ZSCAN29: variants seen among roughly 807,000 people sequenced by gnomAD.
The protein encoded by ZSCAN29 is zinc finger and SCAN domain-containing protein 29.
Under a neutral mutation model 71.9 loss-of-function variants are expected in ZSCAN29, and 55 were observed. The observed-to-expected ratio is 0.76, with a 90% CI of 0.62 to 0.96. The LOEUF is 0.96. Among genes scored for constraint, ZSCAN29 ranks in the 40% least tolerant of loss-of-function variants. The pLI, the probability that ZSCAN29 is intolerant of heterozygous loss-of-function variation, is 0.00. For missense variants in ZSCAN29, 1,042 were observed against 1,042.2 expected, an observed-to-expected ratio of 1.00 and a Z score of 0.00; for synonymous variants, 351 against 371.6, an observed-to-expected ratio of 0.94 and a Z score of 0.64.
At chr15:43,366,066 T>C in intron 4 of ZSCAN29, 44 bp downstream of exon 4, 1 of 1,541,136 alleles carries the variant, frequency 6.5e-7, no homozygotes, top group Non-Finnish European at 8.7e-7. Flanking sequence ...GTCTCTTTGT[T>C]CCCCAAGTCT....
rs1444633539 is a variant in ZSCAN29, at chr15:43,359,633, T to A, written c.*1440A>T. ...AGTGCCCATGGAGGGCATAACACTA[T>A]ACCAGGTGTGTGGAATATGGACGAG... On this transcript the variant is annotated 3_prime_UTR_variant, in exon 6 of 6. Coordinates refer to ENST00000684362, the MANE Select transcript of ZSCAN29 (RefSeq NM_001372080.1). The A allele has an allele frequency of 6.6e-6, 1 of 152,272 alleles. No homozygotes were observed. Among genetic ancestry groups the A allele is most frequent in the East Asian group, 1.9e-4 (1 of 5,198 alleles). 9.4% of individuals were successfully genotyped at this position (152,272 alleles called of 1,614,324 possible). A position where few individuals can be genotyped will look rare whatever the true frequency, so the allele number is the denominator to read the frequency against.
chr15:43,366,269 T>A lies in ZSCAN29; in HGVS notation c.1063A>T (p.Ser355Cys). 1 of 1,613,488 alleles carries A rather than the reference T, an allele frequency of 6.2e-7. No homozygotes were observed. Among genetic ancestry groups the A allele is most frequent in the South Asian group, 1.1e-5 (1 of 91,080 alleles). The change falls in exon 4 of 6, where the codon AGC becomes TGC. Residue 355 changes from serine (S) to cysteine (C), a missense_variant. Coordinates refer to ENST00000684362, the MANE Select transcript of ZSCAN29 (RefSeq NM_001372080.1). ...CCTGGCTCTTCAGTCTCAGCATCGC[T>A]GCCTACCAGGCCAGAGTGAGAGGCT... ...AAASHSGLVGSDAETEEPGQR... is the reference protein window; with the variant it reads ...AAASHSGLVGCDAETEEPGQR...
At chr15:43,363,890 T>G in intron 5 of ZSCAN29, 25 bp downstream of exon 5, 1 of 1,547,042 alleles carries the variant, frequency 6.5e-7, no homozygotes, top group South Asian at 1.2e-5. Flanking sequence ...TTGTTATTTA[T>G]ACCATAATAG....
chr15:43,368,800 G>T, intron 3 of ZSCAN29, 123 bp downstream of exon 3: 1 of 883,844 alleles, frequency 1.1e-6, no homozygotes. Context: ...TAAACTACAT[G>T]TCAACAACCA....
At chr15:43,368,790 T>A (rs879639470) in intron 3 of ZSCAN29, 133 bp downstream of exon 3, 11 of 794,368 alleles carry the variant, frequency 1.4e-5, no homozygotes, top group Non-Finnish European at 2.2e-5. Flanking sequence ...TACCAGAGGC[T>A]AAACTACATG....
Position 43,361,645 on chromosome 15 carries a change from T to A in ZSCAN29, c.1987A>T (p.Asn663Tyr). 1 of 1,614,180 alleles carries A rather than the reference T, an allele frequency of 6.2e-7. No individual in the cohort carries two copies. The highest frequency in any genetic ancestry group is 8.5e-7 in the Non-Finnish European group (1 of 1,180,026). ...GATACCTGATGCATGAGAAGGGAGT[T>A]TGGACCAAAGCTTTTGCTGTATTTG... ...YLKYSKSFGP[N>Y]SLLMHQVSHQ... Residue 663 changes from asparagine to tyrosine, a missense_variant, in exon 6 of 6, where the codon AAC (asparagine) becomes TAC (tyrosine). Physicochemically the swap from Asn to Tyr is moderately radical, Grantham distance 143. Transcript: ENST00000684362.
chr15:43,361,457 C>T lies in ZSCAN29; in HGVS notation c.2175G>A (p.Arg725=), dbSNP rs2043979398. Residue 725 remains arginine (R), a synonymous_variant, in exon 6 of 6, where the codon AGG becomes AGA. Coordinates refer to ENST00000684362, the MANE Select transcript of ZSCAN29 (RefSeq NM_001372080.1). ...AAGGTTTCTCTCCTGTGTGGATTCT[C>T]CTATGGGTGATGAAATTTGAACTGT... ...FRDSSNFITH[R]RIHTGEKPYQ... The T allele has an allele frequency of 3.1e-6, 5 of 1,613,588 alleles. No individual in the cohort carries two copies. The highest frequency in any genetic ancestry group is 1.1e-5 in the South Asian group (1 of 91,068).
At position 43,361,137 on chromosome 15, in the gene ZSCAN29, G is replaced by A; in HGVS notation, c.2495C>T (p.Ala832Val). The A allele has an allele frequency of 6.2e-7, 1 of 1,613,698 alleles. No homozygotes were observed. Among genetic ancestry groups the A allele is most frequent in the Non-Finnish European group, 8.5e-7 (1 of 1,179,620 alleles). Residue 832 changes from alanine to valine, a missense_variant, in exon 6 of 6, where the codon GCC becomes GTC. Ala to Val is a moderately conservative substitution (Grantham distance 64, BLOSUM62 0). Transcript: ENST00000684362. ...DCGKCFSKSS[A>V]LNKHGEIHAR... ...ATGGATTTCTCCGTGCTTATTAAGG[G>A]CAGAGCTTTTACTGAAGCACTTACC...
intron 1 of ZSCAN29, 160 bp downstream of exon 1, chr15:43,370,398 C>A (rs1413306412): frequency 1.3e-5 from 2 of 154,050 alleles, no homozygotes; most frequent in Non-Finnish European, 2.9e-5. Context: ...CTGATCTCCC[C>A]CAGTATCTCC....
At position 43,364,167 on chromosome 15, in the gene ZSCAN29, C is replaced by T. The variant is rs769137066; in HGVS notation, c.1438G>A (p.Ala480Thr). Residue 480 changes from alanine to threonine, a missense_variant, in exon 5 of 6, where the codon GCA becomes ACA. Physicochemically the swap from Ala to Thr is moderately conservative, Grantham distance 58. Coordinates refer to ENST00000684362, the MANE Select transcript of ZSCAN29 (RefSeq NM_001372080.1). ...TSYRKVKNGQ[A>T]PETCPFFEEM... The stretch of plus-strand genomic sequence containing the variant: ...TCAAAGAAGGGACAGGTCTCTGGTG[C>T]CTGGCCATTCTTAACTTTCCGATAG... 1.2e-6 allele frequency: 2 copies of T among 1,614,212 alleles called. No individual in the cohort carries two copies. Among genetic ancestry groups the T allele is most frequent in the Non-Finnish European group, 8.5e-7 (1 of 1,180,040 alleles).
chr15:43,369,382 G>A (rs966031940), intron 2 of ZSCAN29: 3 of 595,386 alleles, frequency 5.0e-6, no homozygotes, highest in Admixed American at 3.6e-5. Context: ...TCCCTATTAA[G>A]AAACTATAGG....
rs559060332 is a variant in ZSCAN29, at chr15:43,369,405, T to C, written c.318+191A>G. On this transcript the variant is annotated intron_variant, in intron 2 of 5. Coordinates refer to ENST00000684362, the MANE Select transcript of ZSCAN29 (RefSeq NM_001372080.1). ...AAGAAACTATAGGAAAAACTCATTA[T>C]GACAGGGTAGGTGAAGGTACACCCA... 41 of 647,600 alleles carry C rather than the reference T, an allele frequency of 6.3e-5. No individual in the cohort carries two copies. In the African/African-American group the frequency reaches 7.2e-4, roughly 11 times the overall value. The allele number at this position is 647,600 out of a possible 1,614,324, so 40.1% of individuals were successfully genotyped here. A position where few individuals can be genotyped will look rare whatever the true frequency, so the allele number is the denominator to read the frequency against.
rs773050742 is a variant in ZSCAN29 at position 43,366,480 on chromosome 15, C to T, written c.852G>A (p.Glu284=). 2.5e-5 allele frequency: 41 copies of T among 1,614,134 alleles called. No homozygotes were observed. Among genetic ancestry groups the T allele is most frequent in the Admixed American group, 2.0e-4 (12 of 60,004 alleles). Reference sequence around the variant, plus strand: ...GGAGGAAGCCATATTCCCTGAGCCGCTCAGCCACAGCCCCATACACTTGGC... The same window carrying T: ...GGAGGAAGCCATATTCCCTGAGCCGTTCAGCCACAGCCCCATACACTTGGC... ...RNSQVYGAVA[E]RLREYGFLRT... Residue 284 remains glutamate, a synonymous_variant, in exon 4 of 6, where the codon GAG becomes GAA. Coordinates refer to ENST00000684362, the MANE Select transcript of ZSCAN29 (RefSeq NM_001372080.1).
intron 5 of ZSCAN29, among the ~76,000 whole-genome samples, chr15:43,362,483 A>G (rs893413014): frequency 1.3e-5 from 2 of 152,238 alleles, no homozygotes; most frequent in African/African-American, 4.8e-5. Context: ...GTGTCTTTCA[A>G]AGAACCAAAA....
At chr15:43,364,779 T>G (rs1369123766) in intron 4 of ZSCAN29, among the ~76,000 whole-genome samples, 2 of 150,708 alleles carry the variant, frequency 1.3e-5, no homozygotes, top group Admixed American at 6.6e-5. Context: ...TCCCAGCTAC[T>G]TGGGAGGCTG....
intron 5 of ZSCAN29, among the ~76,000 whole-genome samples, chr15:43,362,902 C>A (rs934742714): frequency 2.0e-5 from 3 of 152,052 alleles, no homozygotes; most frequent in African/African-American, 7.3e-5. Flanking sequence ...TATTAAATGG[C>A]TACTATGTGC....
At position 43,364,385 on chromosome 15, in the gene ZSCAN29, G is replaced by A. The variant is rs1177774394; in HGVS notation, c.1223-3C>T. 1.1e-5 allele frequency: 17 copies of A among 1,612,482 alleles called. No individual in the cohort carries two copies. The highest frequency in any genetic ancestry group is 1.7e-5 in the Admixed American group (1 of 59,968). On this transcript the variant is annotated splice_polypyrimidine_tract_variant and splice_region_variant and intron_variant, in intron 4 of 5. Coordinates refer to ENST00000684362, the MANE Select transcript of ZSCAN29 (RefSeq NM_001372080.1). ...CTCTTCATAGCCCCAGTGTACACCT[G>A]CCACCAGAAGAGAAATTTCAGCACC...
At chr15:43,364,829 A>C (rs2044019444) in intron 4 of ZSCAN29, among the ~76,000 whole-genome samples, 1 of 135,662 alleles carries the variant, frequency 7.4e-6, no homozygotes. Flanking sequence ...GGGGAGGTGG[A>C]GGTTGCAGTG....
At chr15:43,369,443 A>T in intron 2 of ZSCAN29, 153 bp downstream of exon 2, 2 of 787,906 alleles carry the variant, frequency 2.5e-6, no homozygotes, top group Non-Finnish European at 4.0e-6. Flanking sequence ...AAGCATCTCC[A>T]GACAAGCACT....
Sources: gnomAD v4.1 joint callset for allele counts (sites outside exome capture counted in the v4.1 genomes callset) on GRCh38, gnomAD v4.1.1 for gene constraint, MANE v1.5 for transcripts, NCBI Gene and HGNC (gene_info 2026-07-23, HGNC 2026-07-21) for gene names.